The following SPAG16 variants were observed in gnomAD, a reference collection of about 807,000 sequenced individuals.
SPAG16 encodes the protein sperm-associated antigen 16 protein.
SPAG16 carries 86 observed loss-of-function variants against 80.4 expected under a neutral mutation model. That is an observed-to-expected ratio of 1.07 (90% CI 0.90 to 1.28). The LOEUF is 1.28. Ranked by LOEUF, SPAG16 falls within the 50% of genes most tolerant of loss-of-function variation. The probability of loss-of-function intolerance (pLI) is 0.00; values close to 1 mark genes in which losing one functional copy is unlikely to be tolerated. For synonymous variants in SPAG16, 294 were observed against 265.9 expected (o/e 1.11, Z -1.03); for missense variants, 870 against 765.3 (o/e 1.14, Z -1.61).
intron 10 of SPAG16, among the ~76,000 whole-genome samples, chr2:213,558,425 T>C (rs2059496903): frequency 6.6e-6 from 1 of 151,950 alleles, no homozygotes; most frequent in African/African-American, 2.4e-5. Flanking sequence ...GAATAAAATG[T>C]TTTAACTACT....
At chr2:214,329,195 C>T (rs1478184616) in intron 15 of SPAG16, among the ~76,000 whole-genome samples, 1 of 152,210 alleles carries the variant, frequency 6.6e-6, no homozygotes, top group Admixed American at 6.5e-5. Context: ...CTCAAATCAG[C>T]TCTGTGGGGT....
intron 9 of SPAG16, among the ~76,000 whole-genome samples, chr2:213,430,363 G>C (rs2070213699): frequency 6.6e-6 from 1 of 152,218 alleles, no homozygotes; most frequent in African/African-American, 2.4e-5. Flanking sequence ...AGGTTAGCAA[G>C]CTTTTCTAAC....
rs149583759 is a variant in SPAG16, at chr2:214,035,931, C to T, written c.1527+21854C>T. On this transcript the variant is annotated intron_variant, in intron 13 of 15. Coordinates refer to ENST00000331683, the MANE Select transcript of SPAG16 (RefSeq NM_024532.5). The stretch of plus-strand genomic sequence containing the variant: ...CAGCCCTGGCATGCCTTCCCCACTG[C>T]AGCCGGTGTCATGCAGTGGCCGCTG... Among the ~76,000 whole-genome samples the T allele has an allele frequency of 2.1e-3, 318 of 152,340 alleles. 1 individual carries two copies. The highest frequency in any genetic ancestry group is 7.3e-3 in the African/African-American group (302 of 41,580).
intron 15 of SPAG16, among the ~76,000 whole-genome samples, chr2:214,171,135 A>C (rs2056855172): frequency 6.6e-6 from 1 of 151,968 alleles, no homozygotes; most frequent in African/African-American, 2.4e-5. Context: ...AGAGTCCATG[A>C]GACTTTTCTA....
chr2:213,639,291 G>T (rs956862250), intron 10 of SPAG16, among the ~76,000 whole-genome samples: 1 of 152,078 alleles, frequency 6.6e-6, no homozygotes, highest in Non-Finnish European at 1.5e-5. Context: ...GCCATTTGTT[G>T]CCTGAATACC....
intron 3 of SPAG16, among the ~76,000 whole-genome samples, chr2:213,300,190 G>T (rs1457136633): frequency 6.6e-6 from 1 of 152,066 alleles, no homozygotes; most frequent in Non-Finnish European, 1.5e-5. Context: ...AGACACCCAA[G>T]TCATATAATT....
chr2:213,505,669 T>C (rs531636507), intron 10 of SPAG16, among the ~76,000 whole-genome samples: 2 of 152,030 alleles, frequency 1.3e-5, no homozygotes, highest in South Asian at 4.1e-4. Flanking sequence ...TGAAAATGAG[T>C]TTATTCTTTT....
At chr2:214,333,531 G>C (rs184916017) in intron 15 of SPAG16, among the ~76,000 whole-genome samples, 3 of 152,278 alleles carry the variant, frequency 2.0e-5, no homozygotes, top group Non-Finnish European at 2.9e-5. Flanking sequence ...GTCAGTGCTG[G>C]CCTAGAAAGG....
chr2:213,949,713 T>G (rs1559620985), intron 12 of SPAG16, among the ~76,000 whole-genome samples: 1 of 152,190 alleles, frequency 6.6e-6, no homozygotes. Flanking sequence ...GCCTTCATTT[T>G]TATTGCATAA....
intron 10 of SPAG16, among the ~76,000 whole-genome samples, chr2:213,765,137 G>A (rs1029607309): frequency 2.6e-5 from 4 of 152,248 alleles, no homozygotes; most frequent in African/African-American, 7.2e-5. Flanking sequence ...GGAAGTGCCC[G>A]AGGCGGGCGG....
chr2:213,344,422 A>G (rs906271951), intron 6 of SPAG16, among the ~76,000 whole-genome samples: 3 of 151,740 alleles, frequency 2.0e-5, no homozygotes, highest in African/African-American at 7.3e-5. Context: ...GTACATGTGC[A>G]CAGCGTGCAG....
intron 9 of SPAG16, among the ~76,000 whole-genome samples, chr2:213,393,039 A>G (rs933222777): frequency 7.9e-5 from 12 of 152,172 alleles, no homozygotes; most frequent in African/African-American, 2.4e-4. Context: ...ACATTATTAC[A>G]CTAAATATAT....
At chr2:213,525,629 T>C (rs980137300) in intron 10 of SPAG16, among the ~76,000 whole-genome samples, 1 of 152,154 alleles carries the variant, frequency 6.6e-6, no homozygotes, top group African/African-American at 2.4e-5. Flanking sequence ...CTCAGGCATG[T>C]ATTTATTAGC....
chr2:213,876,492 C>T (rs956343127), intron 11 of SPAG16, among the ~76,000 whole-genome samples: 7 of 152,028 alleles, frequency 4.6e-5, no homozygotes, highest in African/African-American at 1.4e-4. Context: ...AGGAATAAGT[C>T]ACATATAAAT....
At chr2:213,611,350 A>T (rs1315211331) in intron 10 of SPAG16, among the ~76,000 whole-genome samples, 1 of 152,240 alleles carries the variant, frequency 6.6e-6, no homozygotes, top group East Asian at 1.9e-4. Flanking sequence ...ATTGGTAAGC[A>T]TGTATTAATA....
intron 10 of SPAG16, among the ~76,000 whole-genome samples, chr2:213,828,420 T>A (rs1162910580): frequency 6.6e-6 from 1 of 152,212 alleles, no homozygotes; most frequent in African/African-American, 2.4e-5. Flanking sequence ...GGATTCTGAA[T>A]TACTTTCTGT....
At chr2:213,567,724 T>G (rs1237208530) in intron 10 of SPAG16, among the ~76,000 whole-genome samples, 1 of 31,716 alleles carries the variant, frequency 3.2e-5, no homozygotes, top group East Asian at 1.1e-3. Flanking sequence ...GCAGCATGAT[T>G]TATAGTCCTT....
intron 12 of SPAG16, among the ~76,000 whole-genome samples, chr2:213,998,750 T>C (rs2175307): frequency 1 from 152,273 of 152,328 alleles, 76,109 homozygotes; most frequent in Middle Eastern, 1. Flanking sequence ...GATAGTGATA[T>C]GGACACTAAG....
chr2:214,320,237 A>G (rs1696001853), intron 15 of SPAG16, among the ~76,000 whole-genome samples: 3 of 152,156 alleles, frequency 2.0e-5, no homozygotes, highest in Non-Finnish European at 4.4e-5. Flanking sequence ...TTGCCTGGAA[A>G]TGTTTACTCC....
Sources: allele counts gnomAD v4.1 joint callset (sites outside exome capture counted in the v4.1 genomes callset), GRCh38; gene constraint gnomAD v4.1.1; transcripts MANE v1.5; gene names NCBI Gene and HGNC (gene_info 2026-07-23, HGNC 2026-07-21).